Variants in WNK2 observed in about 807,000 individuals in gnomAD.
The protein encoded by WNK2 is serine/threonine-protein kinase WNK2.
In WNK2, 67 loss-of-function variants were observed where a neutral mutation model predicts 192.1. The ratio of observed to expected loss-of-function variants is 0.35; its 90% CI spans 0.29 to 0.43. The LOEUF (loss-of-function observed/expected upper bound fraction) is 0.43, where lower values mean the gene tolerates loss of function less well. WNK2 is among the 20% of genes least tolerant of loss of function. WNK2 has a pLI of 1.00. For synonymous variants in WNK2, 1,439 were observed against 1,393.9 expected (o/e 1.03, Z -0.72); for missense variants, 2,698 against 3,089.7 (o/e 0.87, Z 3.01).
chr9:93,299,716 A>G (rs753624577), intron 25 of WNK2, among the ~76,000 whole-genome samples: 1 of 152,124 alleles, frequency 6.6e-6, no homozygotes, highest in African/African-American at 2.4e-5. Context: ...TTGAGGAGGA[A>G]ATTCTCTCGT....
At chr9:93,233,887 C>G (rs928439726) in intron 4 of WNK2, among the ~76,000 whole-genome samples, 1 of 152,172 alleles carries the variant, frequency 6.6e-6, no homozygotes, top group Admixed American at 6.5e-5. Flanking sequence ...TAGTCCCTTT[C>G]TTTGCATTCA....
chr9:93,312,862 G>T (rs1000596261), intron 28 of WNK2, among the ~76,000 whole-genome samples: 1 of 152,046 alleles, frequency 6.6e-6, no homozygotes, highest in Admixed American at 6.6e-5. Context: ...CCACTTCATG[G>T]TGGACCACCC....
Position 93,293,114 on chromosome 9 carries a change from C to T in WNK2, c.5649C>T (p.Asp1883=). The T allele has an allele frequency of 8.2e-6, 13 of 1,591,030 alleles. No individual in the cohort carries two copies. The highest frequency in any genetic ancestry group is 1.1e-5 in the Non-Finnish European group (13 of 1,170,540). The change falls in exon 23 of 30, where the codon GAC becomes GAT. Residue 1883 remains aspartate (D), a synonymous_variant. Transcript: ENST00000427277. ...CCCAGTCGTCCTACATCAGCAGCGA[C>T]AATGATTCGGAGCTCGAGGATGCTG... ...FHSQSSYISS[D]NDSELEDADI... is the part of the protein sequence containing the mutation.
intron 8 of WNK2, among the ~76,000 whole-genome samples, chr9:93,250,273 C>T (rs999371944): frequency 7.2e-5 from 11 of 152,156 alleles, no homozygotes; most frequent in African/African-American, 2.4e-4. Context: ...TGTGTGTACA[C>T]AGGCACGCCC....
intron 19 of WNK2, among the ~76,000 whole-genome samples, chr9:93,279,767 T>A (rs1847446608): frequency 6.6e-6 from 1 of 152,192 alleles, no homozygotes. Flanking sequence ...CTACAGATGT[T>A]TGGTTTTTGA....
intron 2 of WNK2, among the ~76,000 whole-genome samples, chr9:93,214,760 G>C (rs1170644143): frequency 7.6e-6 from 1 of 131,074 alleles, no homozygotes; most frequent in Non-Finnish European, 1.6e-5. Flanking sequence ...TTGATTTTTA[G>C]GAGTTTTATA....
At position 93,258,948 on chromosome 9, in the gene WNK2, T is replaced by C; in HGVS notation, c.2400T>C (p.Val800=). The change falls in exon 12 of 30, where the codon GTT becomes GTC. Residue 800 remains valine (V), a synonymous_variant. Transcript: ENST00000427277. ...QVPPQMPPIP[V]VPPITPLAGI... ...TCTTTCAGATGCCCCCGATTCCTGTTGTGCCCCCCATCACGCCCCTGGCGG... is the reference window on the plus strand; with the variant it reads ...TCTTTCAGATGCCCCCGATTCCTGTCGTGCCCCCCATCACGCCCCTGGCGG... The C allele has an allele frequency of 6.2e-7, 1 of 1,612,470 alleles. No homozygotes were observed. The highest frequency in any genetic ancestry group is 8.5e-7 in the Non-Finnish European group (1 of 1,179,486).
intron 2 of WNK2, among the ~76,000 whole-genome samples, chr9:93,201,088 C>T (rs563614473): frequency 6.6e-4 from 101 of 152,308 alleles, no homozygotes; most frequent in African/African-American, 2.4e-3. Context: ...ACCTAGGCGT[C>T]CCCTCCCAGC....
At chr9:93,194,534 C>G (rs972432730) in intron 2 of WNK2, among the ~76,000 whole-genome samples, 3 of 152,196 alleles carry the variant, frequency 2.0e-5, no homozygotes, top group African/African-American at 7.2e-5. Context: ...CTAGAATGGT[C>G]AAAATCTAGA....
intron 26 of WNK2, among the ~76,000 whole-genome samples, chr9:93,301,784 C>T (rs941289941): frequency 2.0e-5 from 3 of 152,178 alleles, no homozygotes; most frequent in Non-Finnish European, 4.4e-5. Flanking sequence ...TCAGGTATGG[C>T]GCCTACCCAG....
chr9:93,194,309 A>G (rs941147627), intron 2 of WNK2, among the ~76,000 whole-genome samples: 2 of 152,190 alleles, frequency 1.3e-5, no homozygotes, highest in African/African-American at 2.4e-5. Flanking sequence ...TTTGCAAATG[A>G]CCCATCTGCT....
chr9:93,213,671 C>G (rs1835182475), intron 2 of WNK2, among the ~76,000 whole-genome samples: 1 of 152,154 alleles, frequency 6.6e-6, no homozygotes, highest in Non-Finnish European at 1.5e-5. Flanking sequence ...TGCCTGTAAT[C>G]CCAGCTACTC....
At chr9:93,204,904 G>T (rs149889464) in intron 2 of WNK2, among the ~76,000 whole-genome samples, 1 of 152,342 alleles carries the variant, frequency 6.6e-6, no homozygotes, top group Non-Finnish European at 1.5e-5. Flanking sequence ...CTGGCCCTGG[G>T]TGAGGACAGA....
At chr9:93,308,741 C>G in intron 28 of WNK2, 157 bp downstream of exon 28, 1 of 1,393,662 alleles carries the variant, frequency 7.2e-7, no homozygotes, top group Non-Finnish European at 9.4e-7. Flanking sequence ...TAGGCTTGTC[C>G]ACTTTACAGA....
At chr9:93,279,890 A>G (rs1847466965) in intron 19 of WNK2, among the ~76,000 whole-genome samples, 1 of 152,236 alleles carries the variant, frequency 6.6e-6, no homozygotes, top group East Asian at 1.9e-4. Flanking sequence ...TGCATACTAT[A>G]TACAAAAATC....
chr9:93,232,785 T>G (rs2132083688), intron 4 of WNK2, among the ~76,000 whole-genome samples: 1 of 152,196 alleles, frequency 6.6e-6, no homozygotes, highest in East Asian at 1.9e-4. Flanking sequence ...CTCTGTGGGC[T>G]GTCCCTCGTC....
Position 93,299,057 on chromosome 9 carries a change from T to C in WNK2, c.5924-13T>C, listed in dbSNP as rs1851125331. On this transcript the variant is annotated splice_polypyrimidine_tract_variant and intron_variant, in intron 24 of 29. Coordinates refer to ENST00000427277, the MANE Select transcript of WNK2 (RefSeq NM_006648.4). ...GCCTCATCGTGCCTGTCGCCTCTTC[T>C]CCCCCCGCCCAGGTCACTTGGCTGA... is the stretch of plus-strand genomic sequence containing the variant. 2 of 1,603,666 alleles carry C rather than the reference T, an allele frequency of 1.2e-6. No homozygotes were observed. The highest frequency in any genetic ancestry group is 1.7e-6 in the Non-Finnish European group (2 of 1,175,266).
rs574307693 is a variant in WNK2 at position 93,197,266 on chromosome 9, C to T, written c.681+11656C>T. Among the ~76,000 whole-genome samples, 123 of 152,314 alleles carry T rather than the reference C, an allele frequency of 8.1e-4. 1 individual carries two copies. The highest frequency in any genetic ancestry group is 1.0e-3 in the South Asian group (5 of 4,822). On this transcript the variant is annotated intron_variant, in intron 2 of 29. Transcript: ENST00000427277. The stretch of plus-strand genomic sequence containing the variant: ...GATAGGAACGAGGATGCTCCCACAT[C>T]ACCTCCACCCCCTGCCGTGCTCCAG...
chr9:93,185,199 C>G lies in WNK2; in HGVS notation c.270C>G (p.Arg90=). 4 of 1,160,246 alleles carry G rather than the reference C, an allele frequency of 3.4e-6. No individual in the cohort carries two copies. Among genetic ancestry groups the G allele is most frequent in the Non-Finnish European group, 4.2e-6 (4 of 943,622 alleles). 71.9% of individuals were successfully genotyped at this position (1,160,246 alleles called of 1,614,324 possible). The stretch of plus-strand genomic sequence containing the variant: ...GCCGCCTCATCGCGGAGCGCGCCCG[C>G]GGACGCCCCGCCGCCCCCGCGCCCG... ...KTRRLIAERA[R]GRPAAPAPAA... is the part of the protein sequence containing the mutation. The change falls in exon 2 of 30, where the codon CGC becomes CGG. Residue 90 remains arginine, a synonymous_variant. Coordinates refer to ENST00000427277, the MANE Select transcript of WNK2 (RefSeq NM_006648.4).
Sources: gnomAD v4.1 joint callset for allele counts (sites outside exome capture counted in the v4.1 genomes callset) on GRCh38, gnomAD v4.1.1 for gene constraint, MANE v1.5 for transcripts, NCBI Gene and HGNC (gene_info 2026-07-23, HGNC 2026-07-21) for gene names.